The following SYT16 variants were observed in gnomAD, a reference collection of about 807,000 sequenced individuals.
SYT16 encodes synaptotagmin-16.
SYT16 carries 42 observed loss-of-function variants against 61.4 expected under a neutral mutation model. That is an observed-to-expected ratio of 0.68 (90% CI 0.53 to 0.89). SYT16 has a LOEUF of 0.89. SYT16 is among the 40% of genes least tolerant of loss of function. The pLI is 0.00. For missense variants in SYT16, 804 were observed against 807.3 expected (o/e 1.00, Z 0.05); for synonymous variants, 314 against 302.3 (o/e 1.04, Z -0.40).
chr14:61,816,376 T>C (rs548834185), intron 1 of SYT16, among the ~76,000 whole-genome samples: 93 of 152,302 alleles, frequency 6.1e-4, no homozygotes, highest in Non-Finnish European at 1.1e-3. Context: ...ACTTGAGATA[T>C]TCAGGATTTC....
chr14:61,859,004 A>C (rs61040636), intron 1 of SYT16, among the ~76,000 whole-genome samples: 2 of 149,670 alleles, frequency 1.3e-5, no homozygotes, highest in African/African-American at 4.9e-5. Flanking sequence ...ACAGGCGCCC[A>C]CCACTACGCC....
chr14:61,948,397 T>C (rs199513030), intron 1 of SYT16, among the ~76,000 whole-genome samples: 3 of 151,212 alleles, frequency 2.0e-5, no homozygotes, highest in Non-Finnish European at 4.4e-5. Context: ...AAACTTGGGC[T>C]AGGCTTTTAA....
At chr14:61,887,733 T>A (rs73258418) in intron 1 of SYT16, among the ~76,000 whole-genome samples, 1 of 152,228 alleles carries the variant, frequency 6.6e-6, no homozygotes, top group Non-Finnish European at 1.5e-5. Context: ...CTTCTGCACC[T>A]CTCAGCCTTC....
At chr14:61,947,740 A>G (rs796671287) in intron 1 of SYT16, among the ~76,000 whole-genome samples, 53 of 152,320 alleles carry the variant, frequency 3.5e-4, no homozygotes, top group African/African-American at 1.3e-3. Context: ...CCTCGTGGGG[A>G]TAACAGCTGG....
At chr14:62,097,098 T>G (rs986170204) in intron 7 of SYT16, among the ~76,000 whole-genome samples, 1 of 152,282 alleles carries the variant, frequency 6.6e-6, no homozygotes, top group South Asian at 2.1e-4. Flanking sequence ...CGGGGTACCA[T>G]GTTGTTTCTT....
chr14:61,991,615 T>G (rs1395749177), intron 2 of SYT16, among the ~76,000 whole-genome samples: 1 of 152,186 alleles, frequency 6.6e-6, no homozygotes, highest in Non-Finnish European at 1.5e-5. Context: ...ATTCTAGCTG[T>G]AGGTTTCATT....
At chr14:61,901,456 G>A (rs764148262) in intron 1 of SYT16, among the ~76,000 whole-genome samples, 33 of 152,206 alleles carry the variant, frequency 2.2e-4, no homozygotes, top group Non-Finnish European at 3.5e-4. Flanking sequence ...CAGCTGGTAA[G>A]TGGCTGAGAC....
chr14:62,047,286 G>T (rs1383105593), intron 3 of SYT16, among the ~76,000 whole-genome samples: 1 of 152,096 alleles, frequency 6.6e-6, no homozygotes, highest in Non-Finnish European at 1.5e-5. Flanking sequence ...GTCTGTTATT[G>T]GTGTATAAGA....
At chr14:61,840,131 T>G (rs1369583474) in intron 1 of SYT16, among the ~76,000 whole-genome samples, 1 of 152,106 alleles carries the variant, frequency 6.6e-6, no homozygotes, top group Non-Finnish European at 1.5e-5. Flanking sequence ...GATTATAGAA[T>G]TTTTCAAGTT....
chr14:61,958,448 A>G (rs987472330), intron 1 of SYT16, among the ~76,000 whole-genome samples: 1 of 151,854 alleles, frequency 6.6e-6, no homozygotes, highest in Non-Finnish European at 1.5e-5. Context: ...CCTGAGTCAC[A>G]TATGATTTCG....
At chr14:62,000,904 G>A (rs756235730) in intron 3 of SYT16, among the ~76,000 whole-genome samples, 3 of 151,922 alleles carry the variant, frequency 2.0e-5, no homozygotes, top group Non-Finnish European at 2.9e-5. Flanking sequence ...CGCTGATACT[G>A]CTTTGCCCTA....
chr14:61,912,719 A>C (rs943855704), intron 1 of SYT16, among the ~76,000 whole-genome samples: 6 of 152,186 alleles, frequency 3.9e-5, no homozygotes, highest in Non-Finnish European at 8.8e-5. Flanking sequence ...GTTTTAGGCT[A>C]TCAGTCCATT....
At chr14:61,861,912 T>C (rs2046976213) in intron 1 of SYT16, among the ~76,000 whole-genome samples, 1 of 152,210 alleles carries the variant, frequency 6.6e-6, no homozygotes, top group African/African-American at 2.4e-5. Context: ...TAATGAAATA[T>C]ACTTTATTGC....
At chr14:61,983,592 C>A (rs2052177466) in intron 2 of SYT16, among the ~76,000 whole-genome samples, 1 of 152,078 alleles carries the variant, frequency 6.6e-6, no homozygotes, top group Admixed American at 6.6e-5. Flanking sequence ...GTGGTGTGAT[C>A]ATAGCTCACT....
At chr14:62,060,858 C>G (rs979914781) in intron 3 of SYT16, among the ~76,000 whole-genome samples, 4 of 151,832 alleles carry the variant, frequency 2.6e-5, no homozygotes, top group African/African-American at 9.7e-5. Context: ...GAGAAATGTT[C>G]TTTCTTTCTC....
intron 7 of SYT16, among the ~76,000 whole-genome samples, chr14:62,096,296 C>T (rs139991121): frequency 6.6e-6 from 1 of 152,172 alleles, no homozygotes; most frequent in Admixed American, 6.5e-5. Context: ...GCAATTAATA[C>T]AACTGGCAAA....
rs376399420 is a variant in SYT16, at chr14:62,075,195, A to G, written c.797A>G (p.His266Arg). ...SENLSYGEDD[H>R]IPAHSQSPCE... ...AATCTCTCCTACGGTGAAGATGACCACATCCCTGCTCACTCACAGTCCCCA... is the reference window on the plus strand; with the variant it reads ...AATCTCTCCTACGGTGAAGATGACCGCATCCCTGCTCACTCACAGTCCCCA... The change falls in exon 5 of 8, where the codon CAC becomes CGC. Residue 266 changes from histidine (H) to arginine (R), a missense_variant. Physicochemically the swap from His to Arg is conservative, Grantham distance 29. Transcript: ENST00000683842. 2 of 1,613,290 alleles carry G rather than the reference A, an allele frequency of 1.2e-6. No homozygotes were observed. The highest frequency in any genetic ancestry group is 1.7e-6 in the Non-Finnish European group (2 of 1,179,546).
intron 3 of SYT16, among the ~76,000 whole-genome samples, chr14:62,012,357 T>A (rs6573409): frequency 2.0e-5 from 3 of 151,908 alleles, no homozygotes; most frequent in East Asian, 1.9e-4. Context: ...GAGGCCACCC[T>A]CAACTGCTGG....
At chr14:62,070,460 A>G (rs902722095) in intron 4 of SYT16, among the ~76,000 whole-genome samples, 2 of 152,188 alleles carry the variant, frequency 1.3e-5, no homozygotes, top group African/African-American at 4.8e-5. Flanking sequence ...TTCCAGCATC[A>G]TCATCCTAAA....
Sources: allele counts gnomAD v4.1 joint callset (sites outside exome capture counted in the v4.1 genomes callset), GRCh38; gene constraint gnomAD v4.1.1; transcripts MANE v1.5; gene names NCBI Gene and HGNC (gene_info 2026-07-23, HGNC 2026-07-21).